FCHSD2: variants seen among roughly 807,000 people sequenced by gnomAD.
FCHSD2 encodes FCH and double SH3 domains 2.
FCHSD2 carries 38 observed loss-of-function variants against 108.1 expected under a neutral mutation model. The ratio of observed to expected loss-of-function variants is 0.35; its 90% confidence interval spans 0.27 to 0.46. FCHSD2 has a LOEUF of 0.46. FCHSD2 is among the 20% of genes least tolerant of loss of function. FCHSD2 has a pLI of 1.00. For synonymous variants in FCHSD2, 279 were observed against 314.7 expected (o/e 0.89, Z 1.20); for missense variants, 751 against 897.8 (o/e 0.84, Z 2.09).
intron 2 of FCHSD2, among the ~76,000 whole-genome samples, chr11:73,126,545 T>C (rs1390008375): frequency 6.6e-6 from 1 of 152,006 alleles, no homozygotes; most frequent in Non-Finnish European, 1.5e-5. Flanking sequence ...TGAAAATAGC[T>C]TCACTAAAAA....
chr11:73,009,359 T>C (rs1857811048), intron 4 of FCHSD2, among the ~76,000 whole-genome samples: 1 of 151,828 alleles, frequency 6.6e-6, no homozygotes, highest in Admixed American at 6.6e-5. Context: ...TAGCCAGGTG[T>C]GGTGGCGTAC....
At position 72,841,573 on chromosome 11, in the gene FCHSD2, G is replaced by A; in HGVS notation, c.1937C>T (p.Ser646Phe). ...PWMREIQISP[S>F]PKPHASLPPL... The stretch of plus-strand genomic sequence containing the variant: ...AGGCAGGGAGGCGTGTGGCTTGGGG[G>A]AAGGAGAGATCTGCAGCAAAGGGAA... Residue 646 changes from serine (S) to phenylalanine (F), a missense_variant, in exon 18 of 20, where the codon TCC (serine) becomes TTC (phenylalanine). Transcript: ENST00000409418. 2.5e-6 allele frequency: 4 copies of A among 1,605,078 alleles called. No individual in the cohort carries two copies. Among genetic ancestry groups the A allele is most frequent in the Non-Finnish European group, 3.4e-6 (4 of 1,176,494 alleles).
intron 8 of FCHSD2, among the ~76,000 whole-genome samples, chr11:72,945,860 C>G (rs1363263909): frequency 6.6e-6 from 1 of 152,190 alleles, no homozygotes; most frequent in East Asian, 1.9e-4. Flanking sequence ...CATCTCACAC[C>G]AGTTAGAATG....
intron 10 of FCHSD2, among the ~76,000 whole-genome samples, chr11:72,902,150 C>T (rs1282845141): frequency 6.6e-6 from 1 of 152,166 alleles, no homozygotes; most frequent in African/African-American, 2.4e-5. Flanking sequence ...GCTGAGATTA[C>T]AAGCGTGAGC....
At chr11:73,015,274 A>G (rs1857945529) in intron 4 of FCHSD2, among the ~76,000 whole-genome samples, 1 of 152,242 alleles carries the variant, frequency 6.6e-6, no homozygotes, top group South Asian at 2.1e-4. Context: ...CCACGTCTAA[A>G]TCTTTTGTTT....
intron 2 of FCHSD2, among the ~76,000 whole-genome samples, chr11:73,104,424 C>T (rs1860292898): frequency 6.6e-6 from 1 of 152,218 alleles, no homozygotes; most frequent in African/African-American, 2.4e-5. Context: ...CGCACACCAC[C>T]ATGCCTGGCT....
chr11:72,908,952 C>T (rs1173699495), intron 9 of FCHSD2, among the ~76,000 whole-genome samples: 1 of 151,978 alleles, frequency 6.6e-6, no homozygotes, highest in Non-Finnish European at 1.5e-5. Context: ...TTGCATGTTG[C>T]CCTGTCTGCT....
chr11:72,940,998 A>G lies in FCHSD2; in HGVS notation c.706-19048T>C, dbSNP rs551602568. The G allele has an allele frequency of 4.0e-6, 3 of 744,262 alleles. No individual in the cohort carries two copies. The South Asian group carries it at 4.1e-5, about 10-fold the overall frequency. 46.1% of individuals were successfully genotyped at this position (744,262 alleles called of 1,614,324 possible). A position where few individuals can be genotyped will look rare whatever the true frequency, so the allele number is the denominator to read the frequency against. ...GGGAGATGTGTGGGCTGACATCTACAGGCCGAAAGAGCCATGGGCTTGGAA... is the reference window on the plus strand; with the variant it reads ...GGGAGATGTGTGGGCTGACATCTACGGGCCGAAAGAGCCATGGGCTTGGAA... On this transcript the variant is annotated intron_variant, in intron 8 of 19. Coordinates refer to ENST00000409418, the MANE Select transcript of FCHSD2 (RefSeq NM_014824.3).
chr11:72,840,752 CA>C (rs1440677416), intron 19 of FCHSD2, 124 bp downstream of exon 19: 5 of 683,768 alleles, frequency 7.3e-6, no homozygotes, highest in Non-Finnish European at 1.3e-5. Context: ...TTTACCTTCC[CA>C]AACCCAGTTC....
chr11:73,092,799 G>A (rs1289972703), intron 2 of FCHSD2, among the ~76,000 whole-genome samples: 1 of 152,076 alleles, frequency 6.6e-6, no homozygotes, highest in Non-Finnish European at 1.5e-5. Flanking sequence ...AATCAAGGAG[G>A]GCATCGGAGT....
At chr11:72,983,765 T>G in intron 8 of FCHSD2, 1 of 462,130 alleles carries the variant, frequency 2.2e-6, no homozygotes, top group Non-Finnish European at 4.2e-6. Flanking sequence ...TCAGAAGTAG[T>G]TTCCCAGTTT....
At chr11:72,907,526 G>T (rs1280898011) in intron 9 of FCHSD2, among the ~76,000 whole-genome samples, 1 of 151,218 alleles carries the variant, frequency 6.6e-6, no homozygotes, top group Non-Finnish European at 1.5e-5. Flanking sequence ...CTAGTTTATT[G>T]AGAGTTTTTA....
At position 72,849,990 on chromosome 11, in the gene FCHSD2, G is replaced by T; in HGVS notation, c.1309-101C>A. Reference sequence around the variant, plus strand: ...CCTGATTGTTTCAAAATGTTAATTTGCCTTTTAACTCTGCATAGAAATGAC... The same window carrying T: ...CCTGATTGTTTCAAAATGTTAATTTTCCTTTTAACTCTGCATAGAAATGAC... On this transcript the variant is annotated intron_variant, in intron 13 of 19. Coordinates refer to ENST00000409418, the MANE Select transcript of FCHSD2 (RefSeq NM_014824.3). The T allele has an allele frequency of 3.6e-6, 3 of 844,710 alleles. No homozygotes were observed. The Admixed American group carries it at 7.8e-5, about 22-fold the overall frequency. The allele number at this position is 844,710 out of a possible 1,614,324, so 52.3% of individuals were successfully genotyped here.
intron 5 of FCHSD2, among the ~76,000 whole-genome samples, chr11:72,992,272 C>T (rs1187805946): frequency 3.9e-5 from 6 of 152,260 alleles, no homozygotes; most frequent in South Asian, 4.1e-4. Flanking sequence ...AGGATACAAA[C>T]GAATGGAAGA....
intron 2 of FCHSD2, among the ~76,000 whole-genome samples, chr11:73,134,133 C>T (rs1367567705): frequency 6.6e-6 from 1 of 151,754 alleles, no homozygotes. Context: ...ATTAGATTAC[C>T]TCTAAGATCT....
intron 17 of FCHSD2, 144 bp from the exon 18 acceptor site, chr11:72,841,727 G>A (rs903979541): frequency 2.2e-5 from 18 of 803,016 alleles, no homozygotes; most frequent in Non-Finnish European, 3.2e-5. Flanking sequence ...AGGCAACTGA[G>A]CATTAAATAA....
At chr11:73,014,429 T>C (rs780823802) in intron 4 of FCHSD2, among the ~76,000 whole-genome samples, 9 of 152,118 alleles carry the variant, frequency 5.9e-5, no homozygotes, top group Non-Finnish European at 1.2e-4. Context: ...TCTATTAATA[T>C]TTTTATTTCC....
At chr11:73,107,156 G>C (rs1438565684) in intron 2 of FCHSD2, among the ~76,000 whole-genome samples, 1 of 152,072 alleles carries the variant, frequency 6.6e-6, no homozygotes, top group Non-Finnish European at 1.5e-5. Flanking sequence ...AAGACTCTCC[G>C]CAATTCTTGA....
At chr11:72,903,871 C>T (rs1416703643) in intron 9 of FCHSD2, among the ~76,000 whole-genome samples, 6 of 152,162 alleles carry the variant, frequency 3.9e-5, no homozygotes. Context: ...AGTGCAATCC[C>T]ATTTCTCTAC....
Sources: gnomAD v4.1 joint callset for allele counts (sites outside exome capture counted in the v4.1 genomes callset) on GRCh38, gnomAD v4.1.1 for gene constraint, MANE v1.5 for transcripts, NCBI Gene and HGNC (gene_info 2026-07-23, HGNC 2026-07-21) for gene names.